Variants in SSBP2 observed in about 807,000 individuals in gnomAD.
The protein encoded by SSBP2 is single-stranded DNA-binding protein 2.
A neutral mutation model predicts 61.8 loss-of-function variants in SSBP2; 17 were observed. The observed-to-expected ratio is 0.28, with a 90% CI of 0.19 to 0.41. The LOEUF (loss-of-function observed/expected upper bound fraction) is 0.41, where lower values mean the gene tolerates loss of function less well. Among genes scored for constraint, SSBP2 ranks in the 10% least tolerant of loss-of-function variants. The pLI is 1.00. For missense variants in SSBP2, 310 were observed against 458.7 expected (o/e 0.68, Z 2.96); for synonymous variants, 139 against 141.3 (o/e 0.98, Z 0.12).
chr5:81,579,536 A>C (rs1276950573), intron 4 of SSBP2, among the ~76,000 whole-genome samples: 1 of 152,138 alleles, frequency 6.6e-6, no homozygotes, highest in Non-Finnish European at 1.5e-5. Flanking sequence ...ATTCAGGATT[A>C]TTTAAAGATG....
At chr5:81,716,012 G>A (rs544478962) in intron 1 of SSBP2, among the ~76,000 whole-genome samples, 2 of 151,836 alleles carry the variant, frequency 1.3e-5, no homozygotes, top group East Asian at 1.9e-4. Context: ...AGCTATGATC[G>A]CACCACTGCA....
intron 1 of SSBP2, among the ~76,000 whole-genome samples, chr5:81,693,072 G>A (rs573110367): frequency 6.6e-6 from 1 of 152,028 alleles, no homozygotes; most frequent in East Asian, 1.9e-4. Context: ...AGACATGGTG[G>A]CACGCGCCTG....
intron 6 of SSBP2, among the ~76,000 whole-genome samples, chr5:81,481,232 T>A (rs1434776313): frequency 6.6e-6 from 1 of 152,170 alleles, no homozygotes; most frequent in East Asian, 1.9e-4. Flanking sequence ...TTTAGAATGG[T>A]GAATTATTTC....
intron 2 of SSBP2, among the ~76,000 whole-genome samples, chr5:81,644,999 T>C (rs559431982): frequency 6.6e-6 from 1 of 152,080 alleles, no homozygotes; most frequent in Admixed American, 6.6e-5. Flanking sequence ...CTATACAAGA[T>C]AGAAAAAAAG....
At chr5:81,574,974 G>A (rs780838912) in intron 4 of SSBP2, among the ~76,000 whole-genome samples, 15 of 152,182 alleles carry the variant, frequency 9.9e-5, no homozygotes, top group Non-Finnish European at 1.3e-4. Context: ...AGAATACTTG[G>A]AGAAGAAAGC....
At chr5:81,584,810 T>C (rs750532185) in intron 4 of SSBP2, among the ~76,000 whole-genome samples, 12 of 152,116 alleles carry the variant, frequency 7.9e-5, no homozygotes, top group Non-Finnish European at 1.8e-4. Flanking sequence ...AAAAATTATG[T>C]TAAGTATATG....
intron 1 of SSBP2, among the ~76,000 whole-genome samples, chr5:81,688,580 G>A (rs187027674): frequency 4.4e-4 from 67 of 152,294 alleles, no homozygotes; most frequent in Non-Finnish European, 6.9e-4. Flanking sequence ...AAGACTGTTT[G>A]TTTGGAAGAA....
In SSBP2 at chr5:81,452,781, G is replaced by C. The variant is rs77802182; in HGVS notation, c.688-3956C>G. The stretch of plus-strand genomic sequence containing the variant: ...ATTTGAAGGTACCAGAAGACACTGA[G>C]GTAGATATGATAAACAAACTTTTAG... On this transcript the variant is annotated intron_variant, in intron 10 of 16. Transcript: ENST00000320672. 1.1e-3 allele frequency among the ~76,000 whole-genome samples: 165 copies of C among 152,216 alleles called. 6 individuals carry two copies. The East Asian group carries it at 0.028, about 26-fold the overall frequency.
chr5:81,523,185 G>A (rs1488908347), intron 4 of SSBP2, among the ~76,000 whole-genome samples: 1 of 152,018 alleles, frequency 6.6e-6, no homozygotes, highest in Non-Finnish European at 1.5e-5. Context: ...AACCACTCTT[G>A]CCAAATAAAT....
chr5:81,433,909 T>G (rs1309460198), intron 15 of SSBP2, among the ~76,000 whole-genome samples: 2 of 152,246 alleles, frequency 1.3e-5, no homozygotes, highest in Non-Finnish European at 2.9e-5. Flanking sequence ...TAGTGTGAGT[T>G]CCTAGCCTTG....
intron 2 of SSBP2, among the ~76,000 whole-genome samples, chr5:81,642,473 A>C (rs966106069): frequency 6.6e-6 from 1 of 152,218 alleles, no homozygotes; most frequent in African/African-American, 2.4e-5. Flanking sequence ...TGCTGTTTTT[A>C]TCATATGATC....
intron 4 of SSBP2, among the ~76,000 whole-genome samples, chr5:81,595,862 A>G (rs773543583): frequency 2.0e-5 from 3 of 152,224 alleles, no homozygotes; most frequent in Non-Finnish European, 4.4e-5. Context: ...AGAGCTATCT[A>G]TGACAAACCC....
intron 5 of SSBP2, among the ~76,000 whole-genome samples, chr5:81,507,688 T>C (rs1768285792): frequency 6.6e-6 from 1 of 152,062 alleles, no homozygotes. Context: ...GTAAAGAACA[T>C]AAAGTAGGAA....
intron 1 of SSBP2, among the ~76,000 whole-genome samples, chr5:81,728,023 T>G (rs960014648): frequency 1.3e-5 from 2 of 152,096 alleles, no homozygotes; most frequent in African/African-American, 4.8e-5. Context: ...AGGGCTAGCA[T>G]ATTCAAGGAC....
chr5:81,475,376 A>G (rs1331950214), intron 6 of SSBP2, among the ~76,000 whole-genome samples: 1 of 152,168 alleles, frequency 6.6e-6, no homozygotes, highest in Non-Finnish European at 1.5e-5. Flanking sequence ...ACATTAAATA[A>G]TTTACATGGC....
intron 6 of SSBP2, among the ~76,000 whole-genome samples, chr5:81,484,098 A>T (rs948322769): frequency 1.3e-5 from 2 of 152,168 alleles, no homozygotes; most frequent in African/African-American, 4.8e-5. Context: ...GGTACCTGGG[A>T]CACAGTAAAC....
At chr5:81,674,511 G>A (rs1002688081) in intron 1 of SSBP2, among the ~76,000 whole-genome samples, 8 of 151,960 alleles carry the variant, frequency 5.3e-5, no homozygotes, top group South Asian at 4.2e-4. Flanking sequence ...GAGCAAATTC[G>A]GAGCAACTAG....
At chr5:81,471,512 A>G in intron 8 of SSBP2, among the ~76,000 whole-genome samples, 1 of 151,976 alleles carries the variant, frequency 6.6e-6, no homozygotes, top group Non-Finnish European at 1.5e-5. Context: ...AAATCCTTTA[A>G]CAGCCAGATT....
chr5:81,613,748 G>A (rs540145966), intron 4 of SSBP2, among the ~76,000 whole-genome samples: 2 of 152,100 alleles, frequency 1.3e-5, no homozygotes, highest in Admixed American at 6.5e-5. Context: ...ATCAAGGCAC[G>A]CATCTCTTAG....
Sources: allele counts gnomAD v4.1 joint callset (sites outside exome capture counted in the v4.1 genomes callset), GRCh38; gene constraint gnomAD v4.1.1; transcripts MANE v1.5; gene names NCBI Gene and HGNC (gene_info 2026-07-23, HGNC 2026-07-21).